STK32C: variants seen among roughly 807,000 people sequenced by gnomAD.
STK32C encodes the protein serine/threonine-protein kinase 32C.
Under a neutral mutation model 56.5 loss-of-function variants are expected in STK32C, and 31 were observed. The ratio of observed to expected loss-of-function variants is 0.55; its 90% CI spans 0.41 to 0.74. The LOEUF (loss-of-function observed/expected upper bound fraction) is 0.74, where lower values mean the gene tolerates loss of function less well. STK32C is among the 30% of genes least tolerant of loss of function. The probability of loss-of-function intolerance (pLI) is 0.00; values close to 1 mark genes in which losing one functional copy is unlikely to be tolerated. For synonymous variants in STK32C, 309 were observed against 289.4 expected (o/e 1.07, Z -0.69); for missense variants, 544 against 676.9 (o/e 0.80, Z 2.18).
At chr10:132,260,408 G>A (rs1034935469) in intron 1 of STK32C, among the ~76,000 whole-genome samples, 7 of 152,076 alleles carry the variant, frequency 4.6e-5, no homozygotes, top group Non-Finnish European at 8.8e-5. Flanking sequence ...CCACCCCTGC[G>A]GCCCCTCTGC....
At chr10:132,257,738 C>A (rs1349639615) in intron 1 of STK32C, among the ~76,000 whole-genome samples, 4 of 151,598 alleles carry the variant, frequency 2.6e-5, no homozygotes, top group African/African-American at 4.8e-5. Flanking sequence ...CCAACCCCCA[C>A]CCTCCACCAG....
chr10:132,210,215 T>C (rs2062248536), intron 10 of STK32C, among the ~76,000 whole-genome samples: 1 of 151,948 alleles, frequency 6.6e-6, no homozygotes, highest in African/African-American at 2.4e-5. Context: ...GACTCTTCCC[T>C]GTCACAGTGT....
chr10:132,274,341 G>A (rs1013889903), intron 1 of STK32C, among the ~76,000 whole-genome samples: 2 of 152,218 alleles, frequency 1.3e-5, no homozygotes, highest in Non-Finnish European at 2.9e-5. Flanking sequence ...GTCAACAGAA[G>A]CAACACACCA....
intron 1 of STK32C, among the ~76,000 whole-genome samples, chr10:132,252,431 G>A (rs182093174): frequency 1.7e-4 from 26 of 152,398 alleles, no homozygotes; most frequent in Admixed American, 1.2e-3. Context: ...GGTCTGTCAC[G>A]CTCCTCGGCG....
At chr10:132,289,630 C>T (rs1485993833) in intron 1 of STK32C, among the ~76,000 whole-genome samples, 2 of 152,188 alleles carry the variant, frequency 1.3e-5, no homozygotes, top group East Asian at 1.9e-4. Flanking sequence ...ATCAAAGCAC[C>T]GGAAGACTCA....
At chr10:132,258,229 C>T (rs984134111) in intron 1 of STK32C, among the ~76,000 whole-genome samples, 1 of 152,254 alleles carries the variant, frequency 6.6e-6, no homozygotes, top group African/African-American at 2.4e-5. Flanking sequence ...GCTGCCAAGG[C>T]TGGGCAGGTG....
chr10:132,230,155 C>T (rs1025895192), intron 2 of STK32C, among the ~76,000 whole-genome samples: 4 of 142,226 alleles, frequency 2.8e-5, no homozygotes, highest in South Asian at 5.2e-4. Context: ...GAGGGCGGGG[C>T]GGGGCGGGAT....
At chr10:132,300,731 C>T (rs10870291) in intron 1 of STK32C, among the ~76,000 whole-genome samples, 53,736 of 152,012 alleles carry the variant, frequency 0.35, 10,554 homozygotes, top group African/African-American at 0.51. Context: ...TGTAAGGAAG[C>T]GCTCCAGGCA....
upstream of STK32C, chr10:132,331,866 T>C (rs1174296128): frequency 1.5e-6 from 2 of 1,347,410 alleles, no homozygotes; most frequent in Non-Finnish European, 2.0e-6. Flanking sequence ...GTTGGCCGCG[T>C]GCGTGCGCAG....
At position 132,208,009 on chromosome 10, in the gene STK32C, C is replaced by T; in HGVS notation, c.*1G>A. ...GGGGTGAGGACCACGGGCGTCCCGG[C>T]CTAGCCGCTCCCGGCCGAGGGGCAA... On this transcript the variant is annotated 3_prime_UTR_variant, in exon 12 of 12. Coordinates refer to ENST00000298630, the MANE Select transcript of STK32C (RefSeq NM_173575.4). 1 of 1,306,896 alleles carries T rather than the reference C, an allele frequency of 7.7e-7. No homozygotes were observed. The highest frequency in any genetic ancestry group is 3.2e-5 in the South Asian group (1 of 31,110). 81.0% of individuals were successfully genotyped at this position (1,306,896 alleles called of 1,614,324 possible).
At chr10:132,271,595 A>G (rs1590346003) in intron 1 of STK32C, among the ~76,000 whole-genome samples, 1 of 152,222 alleles carries the variant, frequency 6.6e-6, no homozygotes, top group Non-Finnish European at 1.5e-5. Context: ...TGGCGTCAGC[A>G]TGACACGGTC....
intron 2 of STK32C, among the ~76,000 whole-genome samples, chr10:132,236,385 G>A (rs567711955): frequency 6.6e-6 from 1 of 152,364 alleles, no homozygotes; most frequent in Non-Finnish European, 1.5e-5. Context: ...GGGGTGGCCA[G>A]GGGCTCCCGG....
At chr10:132,279,051 C>T (rs984235586) in intron 1 of STK32C, among the ~76,000 whole-genome samples, 4 of 152,074 alleles carry the variant, frequency 2.6e-5, no homozygotes, top group South Asian at 2.1e-4. Flanking sequence ...ATGCAGGGGG[C>T]GGGGGACGGG....
At chr10:132,270,804 T>C (rs1040676326) in intron 1 of STK32C, among the ~76,000 whole-genome samples, 1 of 152,114 alleles carries the variant, frequency 6.6e-6, no homozygotes, top group African/African-American at 2.4e-5. Context: ...CTGGCCACGG[T>C]GAGGCTGCGG....
At chr10:132,283,261 C>A (rs1421463828) in intron 1 of STK32C, among the ~76,000 whole-genome samples, 3 of 152,028 alleles carry the variant, frequency 2.0e-5, no homozygotes, top group Non-Finnish European at 4.4e-5. Flanking sequence ...CAGAGCAACA[C>A]GCTGATCAGT....
At chr10:132,238,660 C>A (rs7913492) in intron 2 of STK32C, among the ~76,000 whole-genome samples, 22,630 of 152,100 alleles carry the variant, frequency 0.15, 1,806 homozygotes, top group East Asian at 0.23. Flanking sequence ...GAAAGGCAAC[C>A]AAAGGCAAGT....
chr10:132,226,854 C>G lies in STK32C; in HGVS notation c.585G>C (p.Leu195=), dbSNP rs754625696. 3.1e-6 allele frequency: 5 copies of G among 1,613,418 alleles called. No individual in the cohort carries two copies. In the South Asian group the frequency reaches 3.3e-5, roughly 11 times the overall value. Reference sequence around the variant, plus strand: ...GAGCCAGTGCCATCTCGCAGATGTACAGCCTCACCGTGTCCTCGGAGAACT... The same window carrying G: ...GAGCCAGTGCCATCTCGCAGATGTAGAGCCTCACCGTGTCCTCGGAGAACT... ...NVQFSEDTVR[L]YICEMALALD... The change falls in exon 4 of 12, where the codon CTG becomes CTC. Residue 195 remains leucine (L), a synonymous_variant. Transcript: ENST00000298630.
At chr10:132,245,777 G>T (rs1033427708) in intron 2 of STK32C, 123 bp downstream of exon 2, 4 of 956,164 alleles carry the variant, frequency 4.2e-6, no homozygotes, top group East Asian at 5.2e-5. Context: ...TGGAGCCTCT[G>T]CCCAGGTAAG....
chr10:132,230,755 G>T (rs1049639451), intron 2 of STK32C, among the ~76,000 whole-genome samples: 42 of 149,442 alleles, frequency 2.8e-4, no homozygotes, highest in Non-Finnish European at 1.5e-4. Flanking sequence ...GTCTTCAGCC[G>T]GTCCCAAGCC....
Sources: allele counts gnomAD v4.1 joint callset (sites outside exome capture counted in the v4.1 genomes callset), GRCh38; gene constraint gnomAD v4.1.1; transcripts MANE v1.5; gene names NCBI Gene and HGNC (gene_info 2026-07-23, HGNC 2026-07-21).